Variants in AKAP6 observed in about 807,000 individuals in gnomAD.
AKAP6 encodes the protein A-kinase anchor protein 6.
Under a neutral mutation model 188.5 loss-of-function variants are expected in AKAP6, and 58 were observed. The observed-to-expected ratio is 0.31, with a 90% CI of 0.25 to 0.38. The LOEUF (loss-of-function observed/expected upper bound fraction) is 0.38, where lower values mean the gene tolerates loss of function less well. Among genes scored for constraint, AKAP6 ranks in the 10% least tolerant of loss-of-function variants. The probability of loss-of-function intolerance (pLI) is 1.00; values close to 1 mark genes in which losing one functional copy is unlikely to be tolerated. For synonymous variants in AKAP6, 989 were observed against 998.6 expected (o/e 0.99, Z 0.18); for missense variants, 2,710 against 2,740.0 (o/e 0.99, Z 0.24).
At chr14:32,579,167 A>AT (rs1884857926) in intron 5 of AKAP6, among the ~76,000 whole-genome samples, 2 of 152,102 alleles carry the variant, frequency 1.3e-5, no homozygotes. Context: ...CCAGCTTTTT[A>AT]TAGGTGACCG....
At position 32,447,075 on chromosome 14, in the gene AKAP6, C is replaced by A. The variant is rs17099147; in HGVS notation, c.324+13258C>A. 2.4e-3 allele frequency among the ~76,000 whole-genome samples: 373 copies of A among 152,264 alleles called. 12 individuals are homozygous for A. In the East Asian group the frequency reaches 0.062, roughly 25 times the overall value. On this transcript the variant is annotated intron_variant, in intron 2 of 13. Coordinates refer to ENST00000280979, the MANE Select transcript of AKAP6 (RefSeq NM_004274.5). Reference sequence around the variant, plus strand: ...TATGAATTCCATATTTACAACTATTCTCAGCCATATTTGACTTAAAACCAG... The same window carrying A: ...TATGAATTCCATATTTACAACTATTATCAGCCATATTTGACTTAAAACCAG...
chr14:32,369,918 C>A (rs1566468638), intron 1 of AKAP6, among the ~76,000 whole-genome samples: 1 of 152,144 alleles, frequency 6.6e-6, no homozygotes, highest in Non-Finnish European at 1.5e-5. Context: ...GTAATCCCAG[C>A]TACTCAGGAG....
Position 32,568,221 on chromosome 14 carries a change from G to T in AKAP6, c.2347-8899G>T, listed in dbSNP as rs916888168. ...CCTTTGTTTCCTCTCTATGGACTTT[G>T]TGGGAACAAATCTGGTTAGAGAGAG... On this transcript the variant is annotated intron_variant, in intron 4 of 13. Coordinates refer to ENST00000280979, the MANE Select transcript of AKAP6 (RefSeq NM_004274.5). This position sits in a 1 kb window ranked among gnomAD's most constrained non-coding sequence, Gnocchi z 6.2. 2.0e-5 allele frequency among the ~76,000 whole-genome samples: 3 copies of T among 152,142 alleles called. No homozygotes were observed. Among genetic ancestry groups the T allele is most frequent in the African/African-American group, 7.2e-5 (3 of 41,438 alleles).
At chr14:32,672,510 G>C (rs990259033) in intron 7 of AKAP6, among the ~76,000 whole-genome samples, 2 of 152,152 alleles carry the variant, frequency 1.3e-5, no homozygotes, top group African/African-American at 4.8e-5. Context: ...CTGTTCCTCT[G>C]TGCATGCACA....
chr14:32,797,967 A>C (rs1421105507), intron 12 of AKAP6, among the ~76,000 whole-genome samples: 2 of 151,192 alleles, frequency 1.3e-5, no homozygotes, highest in African/African-American at 4.9e-5. Flanking sequence ...CAACCTACAG[A>C]ATTGGAGAAA....
At chr14:32,814,771 C>T (rs1170831815) in intron 12 of AKAP6, among the ~76,000 whole-genome samples, 3 of 152,098 alleles carry the variant, frequency 2.0e-5, no homozygotes, top group African/African-American at 7.2e-5. Flanking sequence ...CTGTGTCATC[C>T]AGGCTGGAAT....
At chr14:32,529,431 ATTTCTTCCTTCCAAATCTATGCCT>A in intron 2 of AKAP6, among the ~76,000 whole-genome samples, 1 of 152,082 alleles carries the variant, frequency 6.6e-6, no homozygotes, top group East Asian at 1.9e-4. Flanking sequence ...AGACAGTTTC[ATTTCTTCCTTCCAAATCTATGCCT>A]TTTCTTTCCT....
In AKAP6 at chr14:32,545,815, A is replaced by G. The variant is rs1212353745; in HGVS notation, c.1162A>G (p.Thr388Ala). The change falls in exon 4 of 14, where the codon ACA becomes GCA. Residue 388 changes from threonine (T) to alanine (A), a missense_variant. By Grantham distance (58) the Thr-to-Ala change is moderately conservative (BLOSUM62 0). Transcript: ENST00000280979. ...NYNEDSPTQP[T>A]LPKRGLFLKE... ...TAACGAGGACTCTCCCACGCAGCCT[A>G]CATTGCCAAAAAGAGGACTTTTTCT... 1.2e-6 allele frequency: 2 copies of G among 1,614,086 alleles called. No individual in the cohort carries two copies. Among genetic ancestry groups the G allele is most frequent in the African/African-American group, 1.3e-5 (1 of 74,942 alleles).
chr14:32,751,600 T>C (rs546786146), intron 11 of AKAP6, among the ~76,000 whole-genome samples: 8 of 151,754 alleles, frequency 5.3e-5, no homozygotes, highest in Non-Finnish European at 1.2e-4. Context: ...TTATCGTAAT[T>C]TCTCTATATG....
rs1049337729 is a variant in AKAP6, at chr14:32,470,020, T to G, written c.324+36203T>G. On this transcript the variant is annotated intron_variant, in intron 2 of 13. Transcript: ENST00000280979. ...AAATATTAAGTGGTAAAACATCAAGTCTTCTGAATATAATTACTAATATAA... is the reference window on the plus strand; with the variant it reads ...AAATATTAAGTGGTAAAACATCAAGGCTTCTGAATATAATTACTAATATAA... 2.6e-5 allele frequency among the ~76,000 whole-genome samples: 4 copies of G among 152,138 alleles called. No homozygotes were observed. The South Asian group carries it at 8.3e-4, about 32-fold the overall frequency.
At chr14:32,668,661 T>C (rs1441650650) in intron 7 of AKAP6, among the ~76,000 whole-genome samples, 1 of 152,162 alleles carries the variant, frequency 6.6e-6, no homozygotes, top group Non-Finnish European at 1.5e-5. Flanking sequence ...TCTTTTGCAG[T>C]TGTCCTGACT....
intron 7 of AKAP6, among the ~76,000 whole-genome samples, chr14:32,630,933 G>T (rs901749292): frequency 1.3e-5 from 2 of 151,982 alleles, no homozygotes; most frequent in Admixed American, 6.6e-5. Flanking sequence ...TTCTTTTGTA[G>T]CCATTACAGC....
chr14:32,458,776 A>G (rs1174160557), intron 2 of AKAP6, among the ~76,000 whole-genome samples: 1 of 152,174 alleles, frequency 6.6e-6, no homozygotes, highest in Non-Finnish European at 1.5e-5. Flanking sequence ...ACTCAGAAAT[A>G]TGATAATTGA....
In AKAP6 at chr14:32,433,755, A is replaced by G; in HGVS notation, c.262A>G (p.Thr88Ala). Residue 88 changes from threonine to alanine, a missense_variant, in exon 2 of 14, where the codon ACC (threonine) becomes GCC (alanine). Transcript: ENST00000280979. Reference protein sequence around the residue: ...RMTSERVRDLTYSVQQDSDSK... With the variant: ...RMTSERVRDLAYSVQQDSDSK... ...GACCTCAGAGAGGGTCCGAGACCTAACCTATTCAGTCCAGCAGGATTCGGA... is the reference window on the plus strand; with the variant it reads ...GACCTCAGAGAGGGTCCGAGACCTAGCCTATTCAGTCCAGCAGGATTCGGA... The G allele has an allele frequency of 2.5e-6, 4 of 1,614,162 alleles. No homozygotes were observed. The highest frequency in any genetic ancestry group is 3.4e-6 in the Non-Finnish European group (4 of 1,180,040).
chr14:32,457,070 C>T (rs1891169423), intron 2 of AKAP6, among the ~76,000 whole-genome samples: 1 of 152,124 alleles, frequency 6.6e-6, no homozygotes, highest in South Asian at 2.1e-4. Flanking sequence ...TCTCTTATAT[C>T]ATATTAGTCA....
At chr14:32,612,905 G>A (rs1195249640) in intron 7 of AKAP6, among the ~76,000 whole-genome samples, 1 of 152,052 alleles carries the variant, frequency 6.6e-6, no homozygotes, top group African/African-American at 2.4e-5. Context: ...AACTTGAGAA[G>A]GTAAAGGTCT....
intron 2 of AKAP6, among the ~76,000 whole-genome samples, chr14:32,519,404 T>G (rs1204143012): frequency 6.6e-6 from 1 of 152,130 alleles, no homozygotes. Context: ...ACTGGCAAAT[T>G]GGATAAAGTG....
intron 11 of AKAP6, among the ~76,000 whole-genome samples, chr14:32,760,526 A>C (rs1387945561): frequency 2.6e-5 from 4 of 152,212 alleles, no homozygotes; most frequent in African/African-American, 9.6e-5. Context: ...CAGATATTCA[A>C]ATAAAACACC....
chr14:32,480,617 G>GC (rs138912785), intron 2 of AKAP6, among the ~76,000 whole-genome samples: 1,739 of 152,238 alleles, frequency 0.011, 15 homozygotes, highest in East Asian at 0.026. Context: ...AATATTTTTA[G>GC]AACCCAAAGT....
Sources: allele counts gnomAD v4.1 joint callset (sites outside exome capture counted in the v4.1 genomes callset), GRCh38; gene constraint gnomAD v4.1.1; non-coding constraint Gnocchi (gnomAD v3.1); transcripts MANE v1.5; gene names NCBI Gene and HGNC (gene_info 2026-07-23, HGNC 2026-07-21).